The following PDK1 variants were observed in gnomAD, a reference collection of about 807,000 sequenced individuals.
PDK1 encodes the protein pyruvate dehydrogenase kinase 1, also known as [Pyruvate dehydrogenase (acetyl-transferring)] kinase isozyme 1, mitochondrial.
A neutral mutation model predicts 54.2 loss-of-function variants in PDK1; 39 were observed. The observed-to-expected ratio is 0.72, with a 90% CI of 0.56 to 0.94. PDK1 has a LOEUF of 0.94. Among genes scored for constraint, PDK1 ranks in the 40% least tolerant of loss-of-function variants. The pLI is 0.00. For synonymous variants in PDK1, 221 were observed against 207.1 expected (o/e 1.07, Z -0.58); for missense variants, 552 against 566.0 (o/e 0.98, Z 0.25).
intron 2 of PDK1, 117 bp downstream of exon 2, chr2:172,558,966 T>A: frequency 1.8e-6 from 2 of 1,081,522 alleles, no homozygotes; most frequent in Non-Finnish European, 1.3e-6. Flanking sequence ...TTGTTTTGTT[T>A]GAGACGGAGT....
intron 6 of PDK1, among the ~76,000 whole-genome samples, chr2:172,568,170 A>T (rs1389514617): frequency 6.6e-6 from 1 of 151,906 alleles, no homozygotes; most frequent in Non-Finnish European, 1.5e-5. Flanking sequence ...GTCTCTACTA[A>T]AAGAAAAATC....
intron 3 of PDK1, 45 bp downstream of exon 3, chr2:172,562,336 C>A: frequency 8.7e-7 from 1 of 1,143,392 alleles, no homozygotes; most frequent in South Asian, 1.3e-5. Context: ...ATTATTAGGT[C>A]ACTTGGGGGA....
Position 172,562,219 on chromosome 2 carries a change from G to A in PDK1, c.339-1G>A, listed in dbSNP as rs2149200365. 6.5e-7 allele frequency: 1 copy of A among 1,540,340 alleles called. No homozygotes were observed. Among genetic ancestry groups the A allele is most frequent in the Non-Finnish European group, 9.0e-7 (1 of 1,114,666 alleles). On this transcript the variant is annotated splice_acceptor_variant, in intron 2 of 10. Transcript: ENST00000282077. LOFTEE classifies it high-confidence loss of function. ...ACTTATCCTATTGATCTGCATTTTAGGTATATCCAGAGTCTTCAGGAGCTT... is the reference window on the plus strand; with the variant it reads ...ACTTATCCTATTGATCTGCATTTTAAGTATATCCAGAGTCTTCAGGAGCTT...
the PDK1 span, among the ~76,000 whole-genome samples, chr2:172,699,751 TTTA>T: frequency 2.0e-5 from 3 of 149,394 alleles, no homozygotes; most frequent in South Asian, 2.1e-4. Context: ...TTTTTCTTTT[TTTA>T]TTATTATTTT....
At chr2:172,587,381 A>G (rs1690298796) in intron 9 of PDK1, among the ~76,000 whole-genome samples, 3 of 150,374 alleles carry the variant, frequency 2.0e-5, no homozygotes, top group South Asian at 4.2e-4. Context: ...TGTTCCTCTC[A>G]GTGGGTTCGT....
chr2:172,640,352 C>T, the PDK1 span, among the ~76,000 whole-genome samples: 149 of 152,278 alleles, frequency 9.8e-4, 1 homozygote, highest in South Asian at 3.3e-3. Flanking sequence ...TTAGACACTA[C>T]GTCTAACTTT....
the PDK1 span, among the ~76,000 whole-genome samples, chr2:172,686,428 C>T: frequency 5.3e-5 from 8 of 152,124 alleles, no homozygotes; most frequent in African/African-American, 1.7e-4. Flanking sequence ...CACCAATTAG[C>T]GCTCTGTAGC....
At chr2:172,652,317 C>T in the PDK1 span, among the ~76,000 whole-genome samples, 1 of 152,130 alleles carries the variant, frequency 6.6e-6, no homozygotes, top group African/African-American at 2.4e-5. Context: ...TAGGATGTAT[C>T]TCAAAATAAT....
the PDK1 span, among the ~76,000 whole-genome samples, chr2:172,631,268 A>G: frequency 3.3e-5 from 5 of 152,196 alleles, no homozygotes; most frequent in African/African-American, 1.2e-4. Flanking sequence ...ATGTCATTCT[A>G]TTCCACAATT....
chr2:172,623,775 A>G, the PDK1 span, among the ~76,000 whole-genome samples: 1 of 152,224 alleles, frequency 6.6e-6, no homozygotes, highest in Non-Finnish European at 1.5e-5. Context: ...ATATGAAAAA[A>G]AAATGTGACA....
chr2:172,708,392 G>T, the PDK1 span, among the ~76,000 whole-genome samples: 1 of 152,146 alleles, frequency 6.6e-6, no homozygotes. Flanking sequence ...TATTTAAATT[G>T]TCATAATACT....
the PDK1 span, among the ~76,000 whole-genome samples, chr2:172,675,111 T>C: frequency 2.0e-5 from 3 of 152,230 alleles, no homozygotes; most frequent in Admixed American, 6.5e-5. Context: ...TTGATAAATG[T>C]GTGTGCTCAG....
chr2:172,703,430 T>C, the PDK1 span, among the ~76,000 whole-genome samples: 1 of 152,180 alleles, frequency 6.6e-6, no homozygotes, highest in Non-Finnish European at 1.5e-5. Flanking sequence ...CAAAGCCATT[T>C]TTATATCATT....
chr2:172,623,370 A>G, the PDK1 span, among the ~76,000 whole-genome samples: 172 of 152,268 alleles, frequency 1.1e-3, 1 homozygote, highest in African/African-American at 3.9e-3. Context: ...TTCCACTCCT[A>G]GAAAATGCAA....
At chr2:172,592,433 C>G (rs1188928327) in intron 9 of PDK1, among the ~76,000 whole-genome samples, 1 of 148,864 alleles carries the variant, frequency 6.7e-6, no homozygotes, top group Non-Finnish European at 1.5e-5. Flanking sequence ...CTCTCTGTCT[C>G]TGACTTTGTC....
intron 8 of PDK1, among the ~76,000 whole-genome samples, chr2:172,584,543 A>G (rs542448542): frequency 6.6e-5 from 10 of 151,708 alleles, no homozygotes; most frequent in Non-Finnish European, 1.3e-4. Flanking sequence ...GGTATTCTGC[A>G]TAGAGCTGTG....
chr2:172,558,572 C>T, intron 1 of PDK1, 136 bp from the exon 2 acceptor site: 3 of 722,988 alleles, frequency 4.1e-6, no homozygotes, highest in Non-Finnish European at 6.7e-6. Flanking sequence ...ATCTTTGCCT[C>T]CTATTCCCTG....
chr2:172,618,510 T>A, the PDK1 span, among the ~76,000 whole-genome samples: 1 of 152,302 alleles, frequency 6.6e-6, no homozygotes, highest in East Asian at 1.9e-4. Context: ...AATTGCTGTG[T>A]GAGAACTGAA....
At chr2:172,662,692 A>T in the PDK1 span, among the ~76,000 whole-genome samples, 2 of 152,234 alleles carry the variant, frequency 1.3e-5, no homozygotes, top group African/African-American at 4.8e-5. Context: ...TAAATAAAAC[A>T]AACAAGTGAC....
Sources: allele counts gnomAD v4.1 joint callset (sites outside exome capture counted in the v4.1 genomes callset), GRCh38; gene constraint gnomAD v4.1.1; transcripts MANE v1.5; gene names NCBI Gene and HGNC (gene_info 2026-07-23, HGNC 2026-07-21).